Variants in DICER1 observed in about 807,000 individuals in gnomAD.
The protein encoded by DICER1 is dicer 1, ribonuclease III.
A neutral mutation model predicts 194.1 loss-of-function variants in DICER1; 43 were observed. That is an observed-to-expected ratio of 0.22 (90% CI 0.17 to 0.29). The LOEUF (loss-of-function observed/expected upper bound fraction) is 0.29. DICER1 is among the 10% of genes least tolerant of loss of function. The pLI is 1.00. For missense variants in DICER1, 1,608 were observed against 2,317.0 expected, an observed-to-expected ratio of 0.69 and a Z score of 6.28; for synonymous variants, 832 against 820.5, an observed-to-expected ratio of 1.01 and a Z score of -0.24.
chr14:95,157,058 G>A (rs1235688516), intron 1 of DICER1, among the ~76,000 whole-genome samples, 172 bp downstream of exon 1: 1 of 151,678 alleles, frequency 6.6e-6, no homozygotes, highest in Non-Finnish European at 1.5e-5. Context: ...AGGCCGCGCT[G>A]TGCGGGACGA....
intron 1 of DICER1, among the ~76,000 whole-genome samples, chr14:95,139,124 A>G (rs1369044628): frequency 1.3e-5 from 2 of 152,152 alleles, no homozygotes; most frequent in African/African-American, 4.8e-5. Context: ...TGACTGACCA[A>G]CTGAAAGTGT....
intron 6 of DICER1, among the ~76,000 whole-genome samples, chr14:95,127,370 T>C (rs184643524): frequency 6.6e-6 from 1 of 152,252 alleles, no homozygotes; most frequent in Non-Finnish European, 1.5e-5. Context: ...CATGTTTATC[T>C]GCACAGGTTG....
intron 1 of DICER1, among the ~76,000 whole-genome samples, chr14:95,153,172 G>A (rs879650452): frequency 1.5e-4 from 22 of 149,536 alleles, no homozygotes; most frequent in Non-Finnish European, 2.7e-4. Flanking sequence ...AGCTGAGATC[G>A]CACCACTGCA....
intron 14 of DICER1, among the ~76,000 whole-genome samples, chr14:95,110,622 A>G (rs1891874376): frequency 6.6e-6 from 1 of 152,294 alleles, no homozygotes; most frequent in South Asian, 2.1e-4. Flanking sequence ...CATACCCTCC[A>G]AGGGTAAGCG....
At chr14:95,118,437 A>T (rs1350731419) in intron 8 of DICER1, among the ~76,000 whole-genome samples, 3 of 152,190 alleles carry the variant, frequency 2.0e-5, no homozygotes, top group African/African-American at 7.2e-5. Context: ...ACAGCATAGT[A>T]CAGGGCACAG....
In DICER1 at chr14:95,154,866, C is replaced by CAA. The variant is rs77879997; in HGVS notation, c.-46+2362_-46+2363dup. Among the ~76,000 whole-genome samples the CAA allele has an allele frequency of 2.5e-3, 166 of 65,704 alleles. 1 individual carries two copies. Among genetic ancestry groups the CAA allele is most frequent in the African/African-American group, 7.4e-3 (155 of 20,830 alleles). 43.1% of individuals were successfully genotyped at this position (65,704 alleles called of 152,430 possible). A position where few individuals can be genotyped will look rare whatever the true frequency, so the allele number is the denominator to read the frequency against. On this transcript the variant is annotated intron_variant, in intron 1 of 26. Transcript: ENST00000343455. ...TTGTGTTATGTATATTTTACCATGC[C>CAA]AAAAAAAAAAAAAAACAACTATCTG...
intron 14 of DICER1, among the ~76,000 whole-genome samples, chr14:95,110,547 A>G (rs1195145930): frequency 6.6e-6 from 1 of 152,108 alleles, no homozygotes; most frequent in Non-Finnish European, 1.5e-5. Flanking sequence ...TCAACGTTCT[A>G]ATGAAACAAC....
intron 21 of DICER1, among the ~76,000 whole-genome samples, chr14:95,100,713 T>C (rs761400603): frequency 6.6e-6 from 1 of 152,198 alleles, no homozygotes; most frequent in Non-Finnish European, 1.5e-5. Flanking sequence ...TTCATTTTCA[T>C]AAAGCTCGGT....
intron 20 of DICER1, 42 bp from the exon 21 acceptor site, chr14:95,104,168 A>G: frequency 1.3e-6 from 2 of 1,522,574 alleles, no homozygotes; most frequent in African/African-American, 1.4e-5. Context: ...ATTCTTCAAA[A>G]CAGCTAGGCT....
rs1893219024 is a variant in DICER1 at position 95,124,440 on chromosome 14, T to C, written c.1132A>G (p.Ile378Val). The C allele has an allele frequency of 6.2e-7, 1 of 1,614,050 alleles. No homozygotes were observed. The highest frequency in any genetic ancestry group is 1.1e-5 in the South Asian group (1 of 91,094). The change falls in exon 8 of 27, where the codon ATC becomes GTC. Residue 378 changes from isoleucine (I) to valine (V), a missense_variant. Ile to Val is a conservative substitution (Grantham distance 29, BLOSUM62 3). Around this residue, in one of 10 missense-constraint regions of DICER1, gnomAD observed 657 missense variants for 910.1 expected, o/e 0.72. Transcript: ENST00000343455. The surrounding 1 kb of genome is among the most constrained non-coding windows in gnomAD (Gnocchi z 4.5). ...LDLKFVTPKV[I>V]KLLEILRKYK... is the part of the protein sequence containing the mutation. ...TTGCGTAAGATTTCGAGCAGTTTGA[T>C]TACTTTAGGAGTTACAAATTTCAGG...
At chr14:95,104,179 G>T in intron 20 of DICER1, 53 bp from the exon 21 acceptor site, 1 of 1,406,048 alleles carries the variant, frequency 7.1e-7, no homozygotes, top group Non-Finnish European at 9.9e-7. Flanking sequence ...CAGCTAGGCT[G>T]AGAGCAACAG....
chr14:95,111,538 G>A, intron 13 of DICER1, 82 bp from the exon 14 acceptor site: 2 of 1,442,990 alleles, frequency 1.4e-6, no homozygotes, highest in Non-Finnish European at 1.9e-6. Flanking sequence ...AACTATGTTA[G>A]AAGGACCTGG....
intron 1 of DICER1, among the ~76,000 whole-genome samples, chr14:95,142,484 C>A (rs967203839): frequency 6.6e-6 from 1 of 152,160 alleles, no homozygotes; most frequent in Non-Finnish European, 1.5e-5. Context: ...TTCAGACTCA[C>A]CTCATTCCTA....
At chr14:95,113,290 G>A (rs764969749) in intron 11 of DICER1, 66 bp from the exon 12 acceptor site, 54 of 1,511,030 alleles carry the variant, frequency 3.6e-5, no homozygotes, top group Non-Finnish European at 4.4e-5. Context: ...TTATAACCTC[G>A]AGTTTGATTT....
At chr14:95,090,878 A>G in intron 26 of DICER1, 156 bp downstream of exon 26, 1 of 972,576 alleles carries the variant, frequency 1.0e-6, no homozygotes, top group Non-Finnish European at 1.6e-6. Context: ...AAACAGAAGG[A>G]AAAAAGAGAA....
Position 95,103,910 on chromosome 14 carries a change from A to G in DICER1, c.3486T>C (p.Gly1162=). 6.2e-7 allele frequency: 1 copy of G among 1,614,202 alleles called. No homozygotes were observed. The highest frequency in any genetic ancestry group is 1.1e-5 in the South Asian group (1 of 91,082). ...NCRTLLSESP[G]KLHVEVSADL... Reference sequence around the variant, plus strand: ...CTGCTGAAACTTCAACGTGGAGCTTACCAGGGGACTCGCTGAGCAACGTTC... The same window carrying G: ...CTGCTGAAACTTCAACGTGGAGCTTGCCAGGGGACTCGCTGAGCAACGTTC... The change falls in exon 21 of 27, where the codon GGT becomes GGC. Residue 1162 remains glycine, a synonymous_variant. Coordinates refer to ENST00000343455, the MANE Select transcript of DICER1 (RefSeq NM_177438.3).
At position 95,106,024 on chromosome 14, in the gene DICER1, T is replaced by C; in HGVS notation, c.2987+17A>G. ...TCCCTCAAGTGCAATCCAAGTGTCA[T>C]CTCTGAAGCCCCTTACCTTGAAGAT... On this transcript the variant is annotated intron_variant, in intron 18 of 26. Coordinates refer to ENST00000343455, the MANE Select transcript of DICER1 (RefSeq NM_177438.3). 4.3e-6 allele frequency: 7 copies of C among 1,613,770 alleles called. No homozygotes were observed. The highest frequency in any genetic ancestry group is 5.9e-6 in the Non-Finnish European group (7 of 1,179,704).
At chr14:95,136,900 G>A (rs1425817137) in intron 1 of DICER1, 1 of 152,172 alleles carries the variant, frequency 6.6e-6, no homozygotes, top group Non-Finnish European at 1.5e-5. Context: ...CCTAACAATG[G>A]ACTTTCCAAT....
At chr14:95,111,625 T>C (rs1891969663) in intron 13 of DICER1, among the ~76,000 whole-genome samples, 169 bp from the exon 14 acceptor site, 1 of 152,232 alleles carries the variant, frequency 6.6e-6, no homozygotes, top group Non-Finnish European at 1.5e-5. Context: ...GCAAAGTCTA[T>C]TTTGGCATCC....
Sources: gnomAD v4.1 joint callset for allele counts (sites outside exome capture counted in the v4.1 genomes callset) on GRCh38, gnomAD v4.1.1 for gene constraint, gnomAD v4.1.1 regional missense constraint, Gnocchi (gnomAD v3.1) non-coding constraint, MANE v1.5 for transcripts, NCBI Gene and HGNC (gene_info 2026-07-23, HGNC 2026-07-21) for gene names.